RYR2: variants seen among roughly 807,000 people sequenced by gnomAD.
RYR2 encodes the protein cardiac muscle ryanodine receptor-calcium release channel.
Under a neutral mutation model 601.1 loss-of-function variants are expected in RYR2, and 227 were observed. The observed-to-expected ratio is 0.38, with a 90% CI of 0.34 to 0.42. The LOEUF (loss-of-function observed/expected upper bound fraction) is 0.42. Ranked by LOEUF, RYR2 falls within the 10% of genes least tolerant of loss-of-function variation. The pLI, the probability that RYR2 is intolerant of heterozygous loss-of-function variation, is 1.00. For synonymous variants in RYR2, 2,223 were observed against 2,175.1 expected, an observed-to-expected ratio of 1.02 and a Z score of -0.61; for missense variants, 4,646 against 6,156.5, an observed-to-expected ratio of 0.75 and a Z score of 8.21.
rs1707897169 is a variant in RYR2 at position 237,441,477 on chromosome 1, A to G, written c.1164A>G (p.Gln388=). Residue 388 remains glutamine (Q), a synonymous_variant, in exon 13 of 105, where the codon CAA becomes CAG. Coordinates refer to ENST00000366574, the MANE Select transcript of RYR2 (RefSeq NM_001035.3). ...AATCCGTGAGAATGGGATCTATACAACGTAAGGTAAGGTGATAGAAAAAAA... is the reference window on the plus strand; with the variant it reads ...AATCCGTGAGAATGGGATCTATACAGCGTAAGGTAAGGTGATAGAAAAAAA... ...DVKSVRMGSI[Q]RKAIMHHEGH... 2 of 1,502,120 alleles carry G rather than the reference A, an allele frequency of 1.3e-6. No homozygotes were observed. The highest frequency in any genetic ancestry group is 2.9e-5 in the South Asian group (2 of 68,440). The allele number at this position is 1,502,120 out of a possible 1,614,324, so 93.0% of individuals were successfully genotyped here. A position where few individuals can be genotyped will look rare whatever the true frequency, so the allele number is the denominator to read the frequency against.
chr1:237,386,656 T>C (rs944846965), intron 8 of RYR2, among the ~76,000 whole-genome samples: 5 of 152,362 alleles, frequency 3.3e-5, no homozygotes, highest in Admixed American at 2.6e-4. Context: ...CTCTAAAAGA[T>C]ATTAAGTATG....
chr1:237,759,979 A>T, intron 83 of RYR2, 127 bp downstream of exon 83: 1 of 680,520 alleles, frequency 1.5e-6, no homozygotes, highest in Middle Eastern at 2.4e-4. Flanking sequence ...TTAAAGTGGG[A>T]TAATCGGCAG....
chr1:237,412,264 T>G (rs549782342), intron 10 of RYR2, among the ~76,000 whole-genome samples: 1 of 152,260 alleles, frequency 6.6e-6, no homozygotes, highest in South Asian at 2.1e-4. Flanking sequence ...AATTGATGGT[T>G]TACTGGGAAG....
At chr1:237,814,809 C>T (rs1661616198) in intron 100 of RYR2, among the ~76,000 whole-genome samples, 1 of 151,982 alleles carries the variant, frequency 6.6e-6, no homozygotes. Context: ...GACTTATGCA[C>T]TTTGGGAAAA....
At position 237,711,856 on chromosome 1, in the gene RYR2, T is replaced by A. The variant is rs765263725; in HGVS notation, c.10323+19T>A. The A allele has an allele frequency of 4.5e-5, 50 of 1,122,100 alleles. No individual in the cohort carries two copies. Among genetic ancestry groups the A allele is most frequent in the Non-Finnish European group, 6.0e-5 (45 of 743,822 alleles). 69.5% of individuals were successfully genotyped at this position (1,122,100 alleles called of 1,614,324 possible). On this transcript the variant is annotated intron_variant, in intron 71 of 104. Transcript: ENST00000366574. ...GTCAAAGGTATTACTATAAACTGTT[T>A]CACTGTTCTGGAAAATATCTGAATG...
At chr1:237,301,880 G>A (rs1339664583) in intron 2 of RYR2, among the ~76,000 whole-genome samples, 1 of 152,106 alleles carries the variant, frequency 6.6e-6, no homozygotes, top group East Asian at 1.9e-4. Context: ...GACCCTATTT[G>A]TCTATCCAGA....
Position 237,657,940 on chromosome 1 carries a change from A to G in RYR2, c.8130-4A>G. 1 of 1,464,014 alleles carries G rather than the reference A, an allele frequency of 6.8e-7. No homozygotes were observed. Among genetic ancestry groups the G allele is most frequent in the Non-Finnish European group, 9.2e-7 (1 of 1,087,528 alleles). 90.7% of individuals were successfully genotyped at this position (1,464,014 alleles called of 1,614,324 possible). ...AAGCTCTTTTGTCTTTACTTTTCTC[A>G]TAGTATTACAATTCCTGAGAAATTG... On this transcript the variant is annotated splice_polypyrimidine_tract_variant and splice_region_variant and intron_variant, in intron 53 of 104. Transcript: ENST00000366574.
intron 58 of RYR2, among the ~76,000 whole-genome samples, chr1:237,670,314 A>ACCGTG (rs1684811198): frequency 3.4e-5 from 3 of 87,728 alleles, no homozygotes; most frequent in African/African-American, 1.4e-4. Context: ...GAGACTGGAG[A>ACCGTG]GGGAGAGGGA....
rs376135032 is a variant in RYR2, at chr1:237,441,478, C to T, written c.1165C>T (p.Arg389Cys). ...ATCCGTGAGAATGGGATCTATACAA[C>T]GTAAGGTAAGGTGATAGAAAAAAAC... ...VKSVRMGSIQ[R>C]KAIMHHEGHM... Residue 389 changes from arginine to cysteine, a missense_variant, in exon 13 of 105, where the codon CGT becomes TGT. Coordinates refer to ENST00000366574, the MANE Select transcript of RYR2 (RefSeq NM_001035.3). The T allele has an allele frequency of 8.7e-6, 13 of 1,498,422 alleles. No homozygotes were observed. The highest frequency in any genetic ancestry group is 4.2e-5 in the African/African-American group (3 of 71,592). 92.8% of individuals were successfully genotyped at this position (1,498,422 alleles called of 1,614,324 possible).
At position 237,162,769 on chromosome 1, in the gene RYR2, T is replaced by C. The variant is rs1271163679; in HGVS notation, c.49-107728T>C. ...GTGGAAGTGTACTTAGCCTGTTAAG[T>C]AGAGAAACAATTTCCATAGGATAGG... On this transcript the variant is annotated intron_variant, in intron 1 of 104. Coordinates refer to ENST00000366574, the MANE Select transcript of RYR2 (RefSeq NM_001035.3). Among the ~76,000 whole-genome samples, 42 of 152,238 alleles carry C rather than the reference T, an allele frequency of 2.8e-4. 1 individual carries two copies. Among genetic ancestry groups the C allele is most frequent in the African/African-American group, 2.4e-5 (1 of 41,534 alleles).
chr1:237,456,655 C>T lies in RYR2; in HGVS notation c.1532C>T (p.Ala511Val). 6.2e-7 allele frequency: 1 copy of T among 1,613,312 alleles called. No homozygotes were observed. ...GACCGTTTGCACGTCTACAGCAGTGCAGCACACTTTGCTGATGTTGCTGGG... is the reference window on the plus strand; with the variant it reads ...GACCGTTTGCACGTCTACAGCAGTGTAGCACACTTTGCTGATGTTGCTGGG... ...CIDRLHVYSSAAHFADVAGRE... is the reference protein window; with the variant it reads ...CIDRLHVYSSVAHFADVAGRE... Residue 511 changes from alanine (A) to valine (V), a missense_variant, in exon 16 of 105, where the codon GCA becomes GTA. Ala to Val is a moderately conservative substitution (Grantham distance 64). Coordinates refer to ENST00000366574, the MANE Select transcript of RYR2 (RefSeq NM_001035.3).
At chr1:237,319,970 GGTCTTCACAGCTAGCCCAT>G (rs112172610) in intron 2 of RYR2, among the ~76,000 whole-genome samples, 36 of 152,248 alleles carry the variant, frequency 2.4e-4, no homozygotes, top group African/African-American at 8.2e-4. Context: ...CACAGCTACT[GGTCTTCACAGCTAGCCCAT>G]GTCATGACAT....
chr1:237,609,570 G>A (rs1319983086), intron 35 of RYR2, among the ~76,000 whole-genome samples: 1 of 151,778 alleles, frequency 6.6e-6, no homozygotes, highest in Non-Finnish European at 1.5e-5. Context: ...TTTAGCAGTG[G>A]GCCAGGCTGG....
At chr1:237,175,287 T>A (rs1435213403) in intron 1 of RYR2, among the ~76,000 whole-genome samples, 1 of 152,242 alleles carries the variant, frequency 6.6e-6, no homozygotes, top group Admixed American at 6.5e-5. Context: ...TGTGGTTTTT[T>A]AGAGATAATT....
chr1:237,617,932 C>T (rs758573981), intron 38 of RYR2, among the ~76,000 whole-genome samples: 6 of 152,098 alleles, frequency 3.9e-5, no homozygotes, highest in Non-Finnish European at 8.8e-5. Context: ...TCATTGCTTA[C>T]CCCCAAAGTC....
chr1:237,808,638 G>C (rs1236921508), intron 99 of RYR2, among the ~76,000 whole-genome samples: 2 of 139,828 alleles, frequency 1.4e-5, no homozygotes, highest in Admixed American at 7.4e-5. Context: ...CCAGCCTGGT[G>C]ACAGAAACTC....
chr1:237,466,144 T>C (rs1558866824), intron 16 of RYR2, among the ~76,000 whole-genome samples: 1 of 152,200 alleles, frequency 6.6e-6, no homozygotes, highest in Non-Finnish European at 1.5e-5. Context: ...AATTACAGTA[T>C]AAAGATGTAT....
At chr1:237,208,966 A>ATATATG (rs1682183751) in intron 1 of RYR2, among the ~76,000 whole-genome samples, 1 of 105,910 alleles carries the variant, frequency 9.4e-6, no homozygotes, top group Non-Finnish European at 2.0e-5. Flanking sequence ...ATATATATAT[A>ATATATG]TATATATATA....
intron 4 of RYR2, among the ~76,000 whole-genome samples, chr1:237,360,188 A>G (rs916782070): frequency 1.3e-5 from 2 of 152,236 alleles, no homozygotes; most frequent in African/African-American, 4.8e-5. Context: ...TTTTAAAAAT[A>G]TATGGAGTCT....
Sources: allele counts gnomAD v4.1 joint callset (sites outside exome capture counted in the v4.1 genomes callset), GRCh38; gene constraint gnomAD v4.1.1; transcripts MANE v1.5; gene names NCBI Gene and HGNC (gene_info 2026-07-23, HGNC 2026-07-21).